The following ADAMTS19 variants were observed in gnomAD, a reference collection of about 807,000 sequenced individuals.
The protein encoded by ADAMTS19 is ADAM metallopeptidase with thrombospondin type 1 motif 19, also known as A disintegrin and metalloproteinase with thrombospondin motifs 19.
Under a neutral mutation model 153.3 loss-of-function variants are expected in ADAMTS19, and 93 were observed. The observed-to-expected ratio is 0.61, with a 90% CI of 0.51 to 0.72. ADAMTS19 has a LOEUF of 0.72. Ranked by LOEUF, ADAMTS19 falls within the 30% of genes least tolerant of loss-of-function variation. The probability of loss-of-function intolerance (pLI) is 0.00; values close to 1 mark genes in which losing one functional copy is unlikely to be tolerated. For missense variants in ADAMTS19, 1,482 were observed against 1,552.1 expected, an observed-to-expected ratio of 0.95 and a Z score of 0.76; for synonymous variants, 600 against 556.6, an observed-to-expected ratio of 1.08 and a Z score of -1.10.
chr5:129,636,621 A>G (rs2127011459), intron 10 of ADAMTS19, among the ~76,000 whole-genome samples: 1 of 152,236 alleles, frequency 6.6e-6, no homozygotes, highest in Admixed American at 6.5e-5. Context: ...ATGTATGTGG[A>G]GTGGAGGAGG....
At chr5:129,490,804 G>T (rs1406950340) in intron 2 of ADAMTS19, among the ~76,000 whole-genome samples, 6 of 151,910 alleles carry the variant, frequency 3.9e-5, no homozygotes, top group Non-Finnish European at 8.8e-5. Context: ...ATTTTATAAC[G>T]ACTTCATTAA....
chr5:129,712,839 C>G (rs1041515863), intron 21 of ADAMTS19, among the ~76,000 whole-genome samples: 4 of 152,096 alleles, frequency 2.6e-5, no homozygotes, highest in Non-Finnish European at 5.9e-5. Flanking sequence ...CTCTCTTTCT[C>G]TCTCCCCTAC....
At chr5:129,688,943 T>C (rs572033909) in intron 18 of ADAMTS19, among the ~76,000 whole-genome samples, 10 of 152,284 alleles carry the variant, frequency 6.6e-5, no homozygotes, top group African/African-American at 1.4e-4. Flanking sequence ...CCTTTTGACA[T>C]TGAAGACCTG....
intron 6 of ADAMTS19, among the ~76,000 whole-genome samples, chr5:129,531,451 C>G (rs1752200124): frequency 6.6e-6 from 1 of 152,138 alleles, no homozygotes; most frequent in African/African-American, 2.4e-5. Flanking sequence ...ATGACAGAAT[C>G]TCATCTCTAC....
chr5:129,614,057 C>G (rs904538161), intron 8 of ADAMTS19, among the ~76,000 whole-genome samples: 4 of 151,864 alleles, frequency 2.6e-5, no homozygotes, highest in African/African-American at 9.7e-5. Flanking sequence ...GCCTACCAAC[C>G]AAAAAAAGTC....
At chr5:129,500,075 T>C (rs1476120177) in intron 2 of ADAMTS19, among the ~76,000 whole-genome samples, 1 of 152,142 alleles carries the variant, frequency 6.6e-6, no homozygotes, top group African/African-American at 2.4e-5. Context: ...GTCACAAAAT[T>C]CTGGATTTAA....
intron 7 of ADAMTS19, among the ~76,000 whole-genome samples, chr5:129,574,373 C>T (rs145437031): frequency 5.3e-5 from 8 of 151,962 alleles, no homozygotes; most frequent in East Asian, 3.9e-4. Context: ...ATACATGTGC[C>T]ATGGTGGTTT....
rs568126500 is a variant in ADAMTS19, at chr5:129,658,282, T to C, written c.2305-335T>C. Among the ~76,000 whole-genome samples, 21 of 122,866 alleles carry C rather than the reference T, an allele frequency of 1.7e-4. No homozygotes were observed. In the Admixed American group the frequency reaches 1.7e-3, roughly 10 times the overall value. 80.6% of individuals were successfully genotyped at this position (122,866 alleles called of 152,430 possible). A position where few individuals can be genotyped will look rare whatever the true frequency, so the allele number is the denominator to read the frequency against. On this transcript the variant is annotated intron_variant, in intron 14 of 22. Transcript: ENST00000274487. ...GCCTAGGTGACAGAACCAGACCCCATCTGAAAGAAAAAGAAAGAAAGAAAG... is the reference window on the plus strand; with the variant it reads ...GCCTAGGTGACAGAACCAGACCCCACCTGAAAGAAAAAGAAAGAAAGAAAG...
At chr5:129,516,998 G>T (rs1387974718) in intron 3 of ADAMTS19, among the ~76,000 whole-genome samples, 1 of 148,374 alleles carries the variant, frequency 6.7e-6, no homozygotes, top group African/African-American at 2.5e-5. Flanking sequence ...TTTGTTTCAA[G>T]AAATTTTCCA....
intron 16 of ADAMTS19, among the ~76,000 whole-genome samples, chr5:129,670,971 G>C (rs2127095207): frequency 6.6e-6 from 1 of 152,262 alleles, no homozygotes; most frequent in South Asian, 2.1e-4. Context: ...TAAGTGAGCA[G>C]GGTCTTTTAC....
rs545284916 is a variant in ADAMTS19 at position 129,499,301 on chromosome 5, A to G, written c.748-9776A>G. Among the ~76,000 whole-genome samples the G allele has an allele frequency of 3.3e-5, 5 of 152,228 alleles. No homozygotes were observed. The East Asian group carries it at 7.7e-4, about 23-fold the overall frequency. ...ATATACAATGAGAAATGAGATAACT[A>G]TCAGAACAAGAGCAACAACAACTAA... On this transcript the variant is annotated intron_variant, in intron 2 of 22. Coordinates refer to ENST00000274487, the MANE Select transcript of ADAMTS19 (RefSeq NM_133638.6).
At chr5:129,576,586 C>CT (rs79974624) in intron 7 of ADAMTS19, among the ~76,000 whole-genome samples, 6,011 of 140,674 alleles carry the variant, frequency 0.043, 330 homozygotes, top group African/African-American at 0.14. Context: ...TTGCTTTATT[C>CT]TTTTTTTTTT....
chr5:129,569,414 G>C (rs1753822539), intron 7 of ADAMTS19, among the ~76,000 whole-genome samples: 1 of 152,114 alleles, frequency 6.6e-6, no homozygotes, highest in Non-Finnish European at 1.5e-5. Flanking sequence ...CTAAGTAATT[G>C]ATAAAACCAG....
chr5:129,611,043 A>G (rs892328618), intron 8 of ADAMTS19, among the ~76,000 whole-genome samples: 1 of 152,288 alleles, frequency 6.6e-6, no homozygotes, highest in Admixed American at 6.5e-5. Flanking sequence ...ATGGCCAGTG[A>G]TGATGAGCAT....
At chr5:129,666,287 T>TTAAG (rs1754052789) in intron 16 of ADAMTS19, among the ~76,000 whole-genome samples, 1 of 152,138 alleles carries the variant, frequency 6.6e-6, no homozygotes. Flanking sequence ...TCATGTGAAA[T>TTAAG]TAAGTTTTAT....
chr5:129,503,474 C>T (rs1751169597), intron 2 of ADAMTS19, among the ~76,000 whole-genome samples: 1 of 152,130 alleles, frequency 6.6e-6, no homozygotes, highest in African/African-American at 2.4e-5. Context: ...GTCATGCCTA[C>T]ACTTTGAACT....
intron 21 of ADAMTS19, among the ~76,000 whole-genome samples, chr5:129,719,127 T>A (rs1756861519): frequency 6.6e-6 from 1 of 152,140 alleles, no homozygotes; most frequent in African/African-American, 2.4e-5. Context: ...TTAGTTGAGT[T>A]TTTTAATCTA....
At chr5:129,543,030 T>G (rs952946472) in intron 6 of ADAMTS19, among the ~76,000 whole-genome samples, 2 of 148,590 alleles carry the variant, frequency 1.3e-5, no homozygotes, top group African/African-American at 2.5e-5. Flanking sequence ...TGTTTTTTTT[T>G]GTTGTTGTTG....
intron 6 of ADAMTS19, among the ~76,000 whole-genome samples, chr5:129,538,343 C>T (rs1051862975): frequency 1.3e-5 from 2 of 152,038 alleles, no homozygotes; most frequent in Non-Finnish European, 2.9e-5. Flanking sequence ...TTATTGGGAT[C>T]ATAGTCTACA....
Sources: gnomAD v4.1 joint callset for allele counts (sites outside exome capture counted in the v4.1 genomes callset) on GRCh38, gnomAD v4.1.1 for gene constraint, MANE v1.5 for transcripts, NCBI Gene and HGNC (gene_info 2026-07-23, HGNC 2026-07-21) for gene names.